Variants in FZD3 observed in about 807,000 individuals in gnomAD.
FZD3 encodes frizzled class receptor 3.
In FZD3, 30 loss-of-function variants were observed where a neutral mutation model predicts 60.7. The observed-to-expected ratio is 0.49, with a 90% CI of 0.37 to 0.67. The LOEUF (loss-of-function observed/expected upper bound fraction) is 0.67, where lower values mean the gene tolerates loss of function less well. FZD3 is among the 30% of genes least tolerant of loss of function. The pLI, the probability that FZD3 is intolerant of heterozygous loss-of-function variation, is 0.00. For synonymous variants in FZD3, 246 were observed against 275.2 expected, an observed-to-expected ratio of 0.89 and a Z score of 1.05; for missense variants, 605 against 838.7, an observed-to-expected ratio of 0.72 and a Z score of 3.44.
At chr8:28,553,824 A>G (rs999736543) in intron 6 of FZD3, among the ~76,000 whole-genome samples, 1 of 152,250 alleles carries the variant, frequency 6.6e-6, no homozygotes, top group African/African-American at 2.4e-5. Flanking sequence ...TAAGATAATA[A>G]TAATGGGTAC....
intron 1 of FZD3, among the ~76,000 whole-genome samples, chr8:28,494,947 A>G (rs1803802302): frequency 6.6e-6 from 1 of 152,006 alleles, no homozygotes; most frequent in Non-Finnish European, 1.5e-5. Flanking sequence ...ATCAGTTTGC[A>G]AAGTCCTTGC....
chr8:28,509,268 A>G (rs554448954), intron 3 of FZD3, among the ~76,000 whole-genome samples: 3 of 151,758 alleles, frequency 2.0e-5, no homozygotes, highest in Admixed American at 1.3e-4. Context: ...CTTCCACCTA[A>G]AGGCAGTCAT....
intron 3 of FZD3, among the ~76,000 whole-genome samples, chr8:28,511,656 A>G (rs577580530): frequency 6.6e-6 from 1 of 152,126 alleles, no homozygotes; most frequent in Non-Finnish European, 1.5e-5. Flanking sequence ...CCCTTTGGTA[A>G]TATCTTAATT....
At chr8:28,520,092 C>T (rs767652629) in intron 3 of FZD3, among the ~76,000 whole-genome samples, 4 of 151,792 alleles carry the variant, frequency 2.6e-5, no homozygotes, top group Non-Finnish European at 4.4e-5. Context: ...TGCCTATAAT[C>T]GCAGCTACTC....
At chr8:28,526,515 G>A (rs1804718749) in intron 4 of FZD3, among the ~76,000 whole-genome samples, 1 of 152,082 alleles carries the variant, frequency 6.6e-6, no homozygotes, top group Non-Finnish European at 1.5e-5. Context: ...TGTGTATGTT[G>A]TGTTTATAAG....
At position 28,517,533 on chromosome 8, in the gene FZD3, CTGATCTGTCCTTT is replaced by C. The variant is rs1223304970; in HGVS notation, c.190-3101_190-3089del. ...GTATATTGCCTCTGCCCCGTTCTTA[CTGATCTGTCCTTT>C]TGAGATTGCATTTACATGTGTTAGA... On this transcript the variant is annotated intron_variant, in intron 3 of 7. Transcript: ENST00000240093. Among the ~76,000 whole-genome samples, 83 of 152,284 alleles carry C rather than the reference CTGATCTGTCCTTT, an allele frequency of 5.5e-4. 1 individual carries two copies. Among genetic ancestry groups the C allele is most frequent in the African/African-American group, 1.6e-3 (67 of 41,562 alleles).
Position 28,564,165 on chromosome 8 carries a change from G to T in FZD3, c.*1154G>T, listed in dbSNP as rs746071639. 6.6e-6 allele frequency: 1 copy of T among 152,496 alleles called. No homozygotes were observed. Among genetic ancestry groups the T allele is most frequent in the Non-Finnish European group, 1.5e-5 (1 of 68,018 alleles). 9.4% of individuals were successfully genotyped at this position (152,496 alleles called of 1,614,324 possible). On this transcript the variant is annotated 3_prime_UTR_variant, in exon 8 of 8. Coordinates refer to ENST00000240093, the MANE Select transcript of FZD3 (RefSeq NM_017412.4). ...TTGAAAATTGTTGTAGCTAAATGAA[G>T]CATGATTAGTCTTAGTATGAATATC...
intron 5 of FZD3, among the ~76,000 whole-genome samples, chr8:28,545,955 A>G (rs1166006810): frequency 3.9e-5 from 6 of 152,170 alleles, no homozygotes; most frequent in Admixed American, 6.5e-5. Context: ...TACCCTTTCT[A>G]TGTTTAAATA....
intron 2 of FZD3, 138 bp from the exon 3 acceptor site, chr8:28,502,530 GAT>G (rs1211513010): frequency 6.6e-6 from 1 of 152,150 alleles, no homozygotes; most frequent in African/African-American, 2.4e-5. Context: ...GTAGAAAAAT[GAT>G]ATCTTTATAA....
At position 28,527,439 on chromosome 8, in the gene FZD3, G is replaced by C. The variant is rs1804743306; in HGVS notation, c.679G>C (p.Asp227His). 8 of 1,613,328 alleles carry C rather than the reference G, an allele frequency of 5.0e-6. No homozygotes were observed. Among genetic ancestry groups the C allele is most frequent in the Non-Finnish European group, 6.8e-6 (8 of 1,179,474 alleles). ...GTTTACTTTTTTAACTTTTTTGATT[G>C]ATGTCACAAGATTCCGTTATCCTGA... ...TLFTFLTFLIDVTRFRYPERP... is the reference protein window; with the variant it reads ...TLFTFLTFLIHVTRFRYPERP... Residue 227 changes from aspartate to histidine, a missense_variant, in exon 5 of 8, where the codon GAT (aspartate) becomes CAT (histidine). Asp to His is a moderately conservative substitution (Grantham distance 81). Coordinates refer to ENST00000240093, the MANE Select transcript of FZD3 (RefSeq NM_017412.4). This position sits in a 1 kb window ranked among gnomAD's most constrained non-coding sequence, Gnocchi z 5.0.
intron 4 of FZD3, among the ~76,000 whole-genome samples, chr8:28,522,922 A>G (rs898090681): frequency 6.6e-6 from 1 of 151,902 alleles, no homozygotes; most frequent in East Asian, 1.9e-4. Flanking sequence ...GGTGCCCACC[A>G]CCACATCCAG....
intron 3 of FZD3, among the ~76,000 whole-genome samples, chr8:28,509,422 A>G (rs986286287): frequency 6.6e-6 from 1 of 151,750 alleles, no homozygotes; most frequent in Non-Finnish European, 1.5e-5. Flanking sequence ...CACTTAATAT[A>G]TTTCAGATAT....
In FZD3 at chr8:28,562,958, A is replaced by G; in HGVS notation, c.1948A>G (p.Thr650Ala). 6.2e-7 allele frequency: 1 copy of G among 1,613,704 alleles called. No homozygotes were observed. Among genetic ancestry groups the G allele is most frequent in the Non-Finnish European group, 8.5e-7 (1 of 1,179,628 alleles). Residue 650 changes from threonine to alanine, a missense_variant, in exon 8 of 8, where the codon ACA becomes GCA. Transcript: ENST00000240093. Reference sequence around the variant, plus strand: ...CAGTAATAATCCCATGACTCATATCACACATGGCACCAGCATGAATCGGGT... The same window carrying G: ...CAGTAATAATCCCATGACTCATATCGCACATGGCACCAGCATGAATCGGGT... ...DLSNNPMTHI[T>A]HGTSMNRVIE...
At position 28,571,992 on chromosome 8, in the gene FZD3, ACT is replaced by A. The variant is rs773089183; in HGVS notation, c.*8986_*8987del. ...ATTAATAGTAATTATGAGTTATTTC[ACT>A]CTCTGTAATTTGTGATACCCAAGAT... On this transcript the variant is annotated 3_prime_UTR_variant, in exon 8 of 8. Coordinates refer to ENST00000240093, the MANE Select transcript of FZD3 (RefSeq NM_017412.4). The A allele has an allele frequency of 6.6e-5, 10 of 151,996 alleles. No individual in the cohort carries two copies. The highest frequency in any genetic ancestry group is 1.4e-4 in the African/African-American group (6 of 41,390). 9.4% of individuals were successfully genotyped at this position (151,996 alleles called of 1,614,324 possible).
At position 28,565,606 on chromosome 8, in the gene FZD3, A is replaced by T. The variant is rs1257766294; in HGVS notation, c.*2595A>T. 6 of 152,034 alleles carry T rather than the reference A, an allele frequency of 3.9e-5. No homozygotes were observed. The highest frequency in any genetic ancestry group is 8.8e-5 in the Non-Finnish European group (6 of 67,976). The allele number at this position is 152,034 out of a possible 1,614,324, so 9.4% of individuals were successfully genotyped here. On this transcript the variant is annotated 3_prime_UTR_variant, in exon 8 of 8. Coordinates refer to ENST00000240093, the MANE Select transcript of FZD3 (RefSeq NM_017412.4). ...AGTGAACATCACTATGAAAATCTTA[A>T]CTTTGTGCTTCTAGATTTTTAGATA...
At chr8:28,519,014 T>G (rs1804503768) in intron 3 of FZD3, among the ~76,000 whole-genome samples, 1 of 152,206 alleles carries the variant, frequency 6.6e-6, no homozygotes, top group Non-Finnish European at 1.5e-5. Flanking sequence ...TTCTTAGAAG[T>G]GAAAGTCATA....
At chr8:28,559,361 T>C (rs1805573905) in intron 7 of FZD3, among the ~76,000 whole-genome samples, 2 of 152,202 alleles carry the variant, frequency 1.3e-5, no homozygotes, top group South Asian at 4.1e-4. Context: ...AGAAATTGCT[T>C]ATCATTCTTT....
intron 2 of FZD3, among the ~76,000 whole-genome samples, chr8:28,501,039 C>T (rs1803975876): frequency 6.6e-6 from 1 of 152,184 alleles, no homozygotes; most frequent in Non-Finnish European, 1.5e-5. Flanking sequence ...GGATTACAAG[C>T]GTGAGCCACT....
At chr8:28,520,046 C>T (rs1804533718) in intron 3 of FZD3, among the ~76,000 whole-genome samples, 1 of 151,822 alleles carries the variant, frequency 6.6e-6, no homozygotes, top group Admixed American at 6.6e-5. Flanking sequence ...CCCATCTCTA[C>T]TGAAAATACA....
Sources: allele counts gnomAD v4.1 joint callset (sites outside exome capture counted in the v4.1 genomes callset), GRCh38; gene constraint gnomAD v4.1.1; non-coding constraint Gnocchi (gnomAD v3.1); transcripts MANE v1.5; gene names NCBI Gene and HGNC (gene_info 2026-07-23, HGNC 2026-07-21).